USP7: variants seen among roughly 807,000 people sequenced by gnomAD.
USP7 encodes the protein ubiquitin specific peptidase 7, also known as ubiquitin C-terminal hydrolase 7.
Under a neutral mutation model 162.9 loss-of-function variants are expected in USP7, and 9 were observed. The observed-to-expected ratio is 0.06, with a 90% confidence interval of 0.03 to 0.10. The LOEUF (loss-of-function observed/expected upper bound fraction) is 0.10. USP7 is among the 10% of genes least tolerant of loss of function. The pLI, the probability that USP7 is intolerant of heterozygous loss-of-function variation, is 1.00. For missense variants in USP7, 715 were observed against 1,373.7 expected (o/e 0.52, Z 7.58); for synonymous variants, 562 against 475.9 (o/e 1.18, Z -2.35).
intron 1 of USP7, among the ~76,000 whole-genome samples, chr16:8,941,268 G>A (rs572794796): frequency 6.6e-6 from 1 of 152,300 alleles, no homozygotes; most frequent in South Asian, 2.1e-4. Flanking sequence ...AATTAACTAT[G>A]CTCAAACATA....
At chr16:8,913,462 G>T (rs150040209) in intron 10 of USP7, among the ~76,000 whole-genome samples, 2 of 151,966 alleles carry the variant, frequency 1.3e-5, no homozygotes, top group African/African-American at 4.8e-5. Context: ...AAAGAGTAAG[G>T]ACACTACAGC....
chr16:8,894,222 A>C lies in USP7; in HGVS notation c.3203-118T>G, dbSNP rs1035452320. The C allele has an allele frequency of 7.4e-6, 7 of 950,802 alleles. No individual in the cohort carries two copies. The African/African-American group carries it at 1.1e-4, about 15-fold the overall frequency. The allele number at this position is 950,802 out of a possible 1,614,324, so 58.9% of individuals were successfully genotyped here. A position where few individuals can be genotyped will look rare whatever the true frequency, so the allele number is the denominator to read the frequency against. On this transcript the variant is annotated intron_variant, in intron 30 of 30. Coordinates refer to ENST00000344836, the MANE Select transcript of USP7 (RefSeq NM_003470.3). ...TCCCCAAGGGGTAAGTTCGCAGGGA[A>C]GCCAGGACCTGAGCTACACGCCCAC...
At chr16:8,922,553 G>C (rs540383177) in intron 3 of USP7, among the ~76,000 whole-genome samples, 1 of 152,176 alleles carries the variant, frequency 6.6e-6, no homozygotes, top group Non-Finnish European at 1.5e-5. Context: ...TGTTACTGAG[G>C]GTTCCAAAGG....
At chr16:8,946,483 A>T (rs533565716) in intron 1 of USP7, among the ~76,000 whole-genome samples, 1 of 152,374 alleles carries the variant, frequency 6.6e-6, no homozygotes, top group Non-Finnish European at 1.5e-5. Context: ...GAAGCTGTTA[A>T]GTGAATACAC....
chr16:8,960,005 A>T (rs889292559), intron 1 of USP7, among the ~76,000 whole-genome samples: 61 of 152,248 alleles, frequency 4.0e-4, no homozygotes, highest in African/African-American at 1.4e-3. Flanking sequence ...GTTTGTATGC[A>T]GAAGCAAGGC....
At chr16:8,944,910 T>C (rs1004824512) in intron 1 of USP7, among the ~76,000 whole-genome samples, 2 of 151,458 alleles carry the variant, frequency 1.3e-5, no homozygotes, top group African/African-American at 2.4e-5. Context: ...GAGTTCGAGA[T>C]CAGCCTGGCC....
At position 8,918,928 on chromosome 16, in the gene USP7, C is replaced by G. The variant is rs962439085; in HGVS notation, c.720+103G>C. On this transcript the variant is annotated intron_variant, in intron 6 of 30. Coordinates refer to ENST00000344836, the MANE Select transcript of USP7 (RefSeq NM_003470.3). ...CTAGCAGCCATCTGAGGAGACAGGG[C>G]CAGGGGAGGGAGACGCCATGTTTGT... The G allele has an allele frequency of 7.9e-6, 9 of 1,141,152 alleles. No individual in the cohort carries two copies. In the African/African-American group the frequency reaches 1.4e-4, roughly 17 times the overall value. The allele number at this position is 1,141,152 out of a possible 1,614,324, so 70.7% of individuals were successfully genotyped here. A position where few individuals can be genotyped will look rare whatever the true frequency, so the allele number is the denominator to read the frequency against.
At chr16:8,903,162 T>C in intron 16 of USP7, 106 bp downstream of exon 16, 2 of 1,449,062 alleles carry the variant, frequency 1.4e-6, no homozygotes, top group South Asian at 1.4e-5. Flanking sequence ...AGGCAGTGGC[T>C]GGACACAGCA....
chr16:8,914,791 C>T (rs1163667839), intron 10 of USP7, among the ~76,000 whole-genome samples: 2 of 151,968 alleles, frequency 1.3e-5, no homozygotes, highest in Middle Eastern at 3.2e-3. Context: ...TGGTGGCACA[C>T]GCCTGTGTTC....
intron 1 of USP7, among the ~76,000 whole-genome samples, chr16:8,940,040 G>T (rs1197189377): frequency 6.6e-6 from 1 of 152,150 alleles, no homozygotes; most frequent in African/African-American, 2.4e-5. Flanking sequence ...GAAGGTTGTA[G>T]TGAGCTGAGA....
intron 1 of USP7, among the ~76,000 whole-genome samples, chr16:8,945,078 C>T (rs987632534): frequency 3.3e-5 from 5 of 152,174 alleles, no homozygotes; most frequent in African/African-American, 4.8e-5. Context: ...ATGATGAAAC[C>T]CCATCTGTAC....
At chr16:8,917,291 T>A in intron 6 of USP7, 135 bp from the exon 7 acceptor site, 1 of 1,046,988 alleles carries the variant, frequency 9.6e-7, no homozygotes, top group Non-Finnish European at 1.3e-6. Flanking sequence ...TTAGGGCTTT[T>A]AACGATCCCC....
At chr16:8,925,802 G>A (rs1006320346) in intron 2 of USP7, among the ~76,000 whole-genome samples, 6 of 152,150 alleles carry the variant, frequency 3.9e-5, no homozygotes, top group Non-Finnish European at 5.9e-5. Context: ...ATGACACTTC[G>A]GGTGTATTAA....
chr16:8,894,146 C>G (rs1325230210), intron 30 of USP7, 42 bp from the exon 31 acceptor site: 4 of 1,572,790 alleles, frequency 2.5e-6, no homozygotes, highest in Admixed American at 1.7e-5. Flanking sequence ...ACAGAGCAGC[C>G]CTGGAACCCC....
At chr16:8,905,124 T>A in intron 14 of USP7, 63 bp downstream of exon 14, 1 of 1,566,306 alleles carries the variant, frequency 6.4e-7, no homozygotes, top group Non-Finnish European at 8.8e-7. Context: ...ATATTGGAGA[T>A]TCATGGTACA....
At position 8,899,408 on chromosome 16, in the gene USP7, G is replaced by A. The variant is rs1160387315; in HGVS notation, c.2463+196C>T. The A allele has an allele frequency of 3.8e-6, 3 of 793,222 alleles. No homozygotes were observed. The South Asian group carries it at 5.6e-5, about 15-fold the overall frequency. The allele number at this position is 793,222 out of a possible 1,614,324, so 49.1% of individuals were successfully genotyped here. Reference sequence around the variant, plus strand: ...AAAGGGTTTTCACTTTTAATGGTGAGGTCTACAGGTTCTTTTCTGATGGCG... The same window carrying A: ...AAAGGGTTTTCACTTTTAATGGTGAAGTCTACAGGTTCTTTTCTGATGGCG... On this transcript the variant is annotated intron_variant, in intron 22 of 30. Transcript: ENST00000344836.
chr16:8,952,153 G>A (rs985409060), intron 1 of USP7, among the ~76,000 whole-genome samples: 1 of 152,182 alleles, frequency 6.6e-6, no homozygotes, highest in Non-Finnish European at 1.5e-5. Flanking sequence ...GGGAGGCTGA[G>A]GTGGGAGGAC....
At chr16:8,906,099 C>T (rs1276085424) in intron 13 of USP7, among the ~76,000 whole-genome samples, 1 of 152,210 alleles carries the variant, frequency 6.6e-6, no homozygotes, top group Non-Finnish European at 1.5e-5. Context: ...GGACATGCGA[C>T]CAGCCAGCCT....
At chr16:8,932,677 CT>C (rs1898434158) in intron 1 of USP7, among the ~76,000 whole-genome samples, 1 of 152,082 alleles carries the variant, frequency 6.6e-6, no homozygotes, top group Non-Finnish European at 1.5e-5. Flanking sequence ...ATTCATTTTC[CT>C]TAGAACTACA....
Sources: gnomAD v4.1 joint callset for allele counts (sites outside exome capture counted in the v4.1 genomes callset) on GRCh38, gnomAD v4.1.1 for gene constraint, MANE v1.5 for transcripts, NCBI Gene and HGNC (gene_info 2026-07-23, HGNC 2026-07-21) for gene names.